The following DDX10 variants were observed in gnomAD, a reference collection of about 807,000 sequenced individuals.
DDX10 encodes probable ATP-dependent RNA helicase DDX10.
In DDX10, 74 loss-of-function variants were observed where a neutral mutation model predicts 104.3. The observed-to-expected ratio is 0.71, with a 90% CI of 0.59 to 0.86. The LOEUF (loss-of-function observed/expected upper bound fraction) is 0.86, where lower values mean the gene tolerates loss of function less well. Ranked by LOEUF, DDX10 falls within the 40% of genes least tolerant of loss-of-function variation. The pLI is 0.00. For missense variants in DDX10, 952 were observed against 1,040.0 expected (o/e 0.92, Z 1.16); for synonymous variants, 351 against 353.4 (o/e 0.99, Z 0.08).
At chr11:108,915,761 CA>C (rs2134662434) in intron 16 of DDX10, among the ~76,000 whole-genome samples, 1 of 152,032 alleles carries the variant, frequency 6.6e-6, no homozygotes, top group Non-Finnish European at 1.5e-5. Context: ...ATGGAATGAA[CA>C]AAGAATAACT....
At chr11:108,918,188 G>T in intron 17 of DDX10, 170 bp downstream of exon 17, 1 of 670,242 alleles carries the variant, frequency 1.5e-6, no homozygotes, top group South Asian at 2.0e-5. Context: ...TACTCATTTT[G>T]CTGCAGATTG....
At chr11:108,900,810 T>C (rs1863507544) in intron 16 of DDX10, among the ~76,000 whole-genome samples, 1 of 152,196 alleles carries the variant, frequency 6.6e-6, no homozygotes, top group Non-Finnish European at 1.5e-5. Flanking sequence ...CTGTATCCTC[T>C]GGCAAGGGAC....
intron 13 of DDX10, among the ~76,000 whole-genome samples, chr11:108,740,330 T>A (rs542815880): frequency 1.5e-3 from 233 of 152,332 alleles, no homozygotes; most frequent in African/African-American, 5.5e-3. Context: ...TTATTTTTTA[T>A]GGCTGCATAG....
chr11:108,836,085 T>G (rs1384748563), intron 13 of DDX10, among the ~76,000 whole-genome samples: 2 of 152,314 alleles, frequency 1.3e-5, no homozygotes, highest in East Asian at 1.9e-4. Flanking sequence ...AGCCTTAAGT[T>G]TCCTGCCTCC....
chr11:108,819,685 G>A (rs751598082), intron 13 of DDX10, among the ~76,000 whole-genome samples: 18 of 151,806 alleles, frequency 1.2e-4, no homozygotes, highest in South Asian at 2.1e-4. Context: ...TATAACCTCC[G>A]CCTCCCAGGT....
chr11:108,904,151 C>A (rs1863557670), intron 16 of DDX10, among the ~76,000 whole-genome samples: 1 of 151,852 alleles, frequency 6.6e-6, no homozygotes, highest in Non-Finnish European at 1.5e-5. Flanking sequence ...TTATTTAAAA[C>A]CAGTGAGTTG....
At chr11:108,900,127 T>C (rs915564181) in intron 16 of DDX10, among the ~76,000 whole-genome samples, 3 of 148,234 alleles carry the variant, frequency 2.0e-5, no homozygotes, top group African/African-American at 5.0e-5. Flanking sequence ...AAAAAAAAAG[T>C]GTGGTTCTTC....
intron 4 of DDX10, among the ~76,000 whole-genome samples, chr11:108,678,067 C>T (rs2094228489): frequency 1.3e-5 from 2 of 151,690 alleles, no homozygotes. Context: ...ATTTTTTTTT[C>T]TTAGCCTCAA....
At chr11:108,915,432 G>GTT (rs1267407857) in intron 16 of DDX10, among the ~76,000 whole-genome samples, 6 of 117,058 alleles carry the variant, frequency 5.1e-5, no homozygotes, top group South Asian at 5.5e-4. Flanking sequence ...AAAAAGGCTT[G>GTT]TTTTTTTTTT....
chr11:108,717,401 C>T (rs904427438), intron 11 of DDX10, among the ~76,000 whole-genome samples: 4 of 152,164 alleles, frequency 2.6e-5, no homozygotes, highest in African/African-American at 4.8e-5. Context: ...CCTCCGCCTC[C>T]CGGGTTCAGG....
intron 3 of DDX10, among the ~76,000 whole-genome samples, 153 bp from the exon 4 acceptor site, chr11:108,676,932 A>G (rs990431465): frequency 6.6e-6 from 1 of 151,840 alleles, no homozygotes; most frequent in Admixed American, 6.6e-5. Flanking sequence ...CTGATGGAAG[A>G]TAAACAAAAT....
Position 108,722,989 on chromosome 11 carries a change from T to C in DDX10, c.1500-8T>C, listed in dbSNP as rs2094300219. On this transcript the variant is annotated splice_region_variant and splice_polypyrimidine_tract_variant and intron_variant, in intron 12 of 17. Coordinates refer to ENST00000322536, the MANE Select transcript of DDX10 (RefSeq NM_004398.4). ...AGATGACTGTTTTCACGTTTTTCCA[T>C]ATTTAAGGTCTCTTGGTCTTGCTGT... The C allele has an allele frequency of 6.3e-7, 1 of 1,588,040 alleles. No individual in the cohort carries two copies. Among genetic ancestry groups the C allele is most frequent in the South Asian group, 1.2e-5 (1 of 86,344 alleles).
intron 13 of DDX10, among the ~76,000 whole-genome samples, chr11:108,774,526 T>C (rs769405187): frequency 3.5e-4 from 54 of 152,178 alleles, no homozygotes; most frequent in Non-Finnish European, 6.3e-4. Context: ...ATTTAGCCCT[T>C]GGTTTTGAAA....
At chr11:108,757,036 C>T (rs1474309039) in intron 13 of DDX10, among the ~76,000 whole-genome samples, 1 of 152,006 alleles carries the variant, frequency 6.6e-6, no homozygotes, top group African/African-American at 2.4e-5. Context: ...TGATTGTAGT[C>T]TGAGTCTGTG....
chr11:108,766,219 T>A (rs2134521012), intron 13 of DDX10, among the ~76,000 whole-genome samples: 1 of 152,328 alleles, frequency 6.6e-6, no homozygotes, highest in South Asian at 2.1e-4. Context: ...AATCCAGCAG[T>A]TTTCCTTAGG....
intron 13 of DDX10, among the ~76,000 whole-genome samples, chr11:108,768,507 A>G (rs1462973816): frequency 4.6e-5 from 7 of 152,194 alleles, no homozygotes; most frequent in Non-Finnish European, 1.0e-4. Flanking sequence ...AAGAGTTTGT[A>G]TCAGTATCCT....
chr11:108,783,031 C>T (rs922244150), intron 13 of DDX10, among the ~76,000 whole-genome samples: 1 of 152,150 alleles, frequency 6.6e-6, no homozygotes, highest in Non-Finnish European at 1.5e-5. Flanking sequence ...CCTGTTAAAC[C>T]TGTAAAACTC....
chr11:108,772,093 C>G (rs549503727), intron 13 of DDX10, among the ~76,000 whole-genome samples: 3 of 152,308 alleles, frequency 2.0e-5, no homozygotes, highest in Admixed American at 2.0e-4. Context: ...AGTGTTTTTC[C>G]TCAAGGTAAC....
chr11:108,769,535 C>T (rs1031274179), intron 13 of DDX10, among the ~76,000 whole-genome samples: 4 of 151,864 alleles, frequency 2.6e-5, no homozygotes, highest in Admixed American at 1.3e-4. Flanking sequence ...TTGTAGTATC[C>T]GTCACATAAT....
Sources: gnomAD v4.1 joint callset for allele counts (sites outside exome capture counted in the v4.1 genomes callset) on GRCh38, gnomAD v4.1.1 for gene constraint, MANE v1.5 for transcripts, NCBI Gene and HGNC (gene_info 2026-07-23, HGNC 2026-07-21) for gene names.